CEP85L: variants seen among roughly 807,000 people sequenced by gnomAD.
CEP85L encodes centrosomal protein of 85 kDa-like.
In CEP85L, 60 loss-of-function variants were observed where a neutral mutation model predicts 100.3. The ratio of observed to expected loss-of-function variants is 0.60; its 90% CI spans 0.49 to 0.74. CEP85L has a LOEUF of 0.74. CEP85L is among the 30% of genes least tolerant of loss of function. CEP85L has a pLI of 0.00. For synonymous variants in CEP85L, 319 were observed against 322.7 expected, an observed-to-expected ratio of 0.99 and a Z score of 0.12; for missense variants, 973 against 936.2, an observed-to-expected ratio of 1.04 and a Z score of -0.51.
intron 2 of CEP85L, among the ~76,000 whole-genome samples, chr6:118,600,642 T>C (rs535660536): frequency 2.0e-5 from 3 of 151,740 alleles, no homozygotes; most frequent in East Asian, 1.9e-4. Context: ...TTTAATGATA[T>C]AAATTACCAG....
At chr6:118,578,954 G>A (rs1780405948) in intron 2 of CEP85L, among the ~76,000 whole-genome samples, 1 of 152,080 alleles carries the variant, frequency 6.6e-6, no homozygotes, top group Admixed American at 6.5e-5. Flanking sequence ...GGTGTGCAAT[G>A]GTGTGATCTT....
rs573432484 is a variant in CEP85L at position 118,494,920 on chromosome 6, T to C, written c.1258-3055A>G. On this transcript the variant is annotated intron_variant, in intron 5 of 12. Transcript: ENST00000368491. ...GGATTAGTAAGATTATGATAGAAAA[T>C]GTAGACAGTATACAAGAACATACAG... Among the ~76,000 whole-genome samples, 4 of 152,110 alleles carry C rather than the reference T, an allele frequency of 2.6e-5. No individual in the cohort carries two copies. In the South Asian group the frequency reaches 6.2e-4, roughly 24 times the overall value.
At chr6:118,628,516 T>C (rs564346613) in intron 2 of CEP85L, among the ~76,000 whole-genome samples, 1 of 150,388 alleles carries the variant, frequency 6.6e-6, no homozygotes, top group South Asian at 2.1e-4. Context: ...AGAAAAAGGC[T>C]GGTAAAAATG....
At chr6:118,574,500 A>C (rs546559083) in intron 2 of CEP85L, among the ~76,000 whole-genome samples, 72 of 152,272 alleles carry the variant, frequency 4.7e-4, no homozygotes, top group African/African-American at 1.7e-3. Flanking sequence ...TGTAGCACTG[A>C]GCAAAGAATT....
chr6:118,513,012 G>C (rs539182656), intron 4 of CEP85L, among the ~76,000 whole-genome samples: 3 of 152,214 alleles, frequency 2.0e-5, no homozygotes, highest in African/African-American at 7.2e-5. Context: ...TTAGAAGAAT[G>C]AACGAACATG....
chr6:118,692,761 A>AAT (rs1777086799), intron 1 of CEP85L, among the ~76,000 whole-genome samples: 4 of 62,596 alleles, frequency 6.4e-5, no homozygotes, highest in South Asian at 4.9e-4. Context: ...AGAAGAAACA[A>AAT]GACATAGATA....
intron 2 of CEP85L, among the ~76,000 whole-genome samples, chr6:118,616,162 T>C (rs1405537927): frequency 6.6e-6 from 1 of 152,108 alleles, no homozygotes; most frequent in Non-Finnish European, 1.5e-5. Flanking sequence ...AAAGAGTTCT[T>C]AAACTTGACA....
In CEP85L at chr6:118,637,947, T is replaced by C. The variant is rs536463699; in HGVS notation, c.74-5336A>G. On this transcript the variant is annotated intron_variant, in intron 1 of 12. Coordinates refer to ENST00000368491, the MANE Select transcript of CEP85L (RefSeq NM_001042475.3). ...CACTGGTAAGCAAGTAGTATCAAAT[T>C]CAGAAGACATGCTATTTTTCAGCTA... is the stretch of plus-strand genomic sequence containing the variant. Among the ~76,000 whole-genome samples the C allele has an allele frequency of 4.6e-5, 7 of 152,176 alleles. No individual in the cohort carries two copies. The South Asian group carries it at 1.0e-3, about 23-fold the overall frequency.
intron 1 of CEP85L, among the ~76,000 whole-genome samples, chr6:118,708,768 C>T (rs1777681525): frequency 6.6e-6 from 1 of 151,984 alleles, no homozygotes; most frequent in East Asian, 1.9e-4. Context: ...TTTTTCCTTC[C>T]TTCCTTCCTC....
At chr6:118,581,815 A>G (rs567526790) in intron 2 of CEP85L, among the ~76,000 whole-genome samples, 45 of 152,274 alleles carry the variant, frequency 3.0e-4, no homozygotes, top group African/African-American at 1.1e-3. Flanking sequence ...CTTTGAAAAA[A>G]AAGTGACTCA....
At chr6:118,641,737 A>T (rs957755689) in intron 1 of CEP85L, among the ~76,000 whole-genome samples, 1 of 152,192 alleles carries the variant, frequency 6.6e-6, no homozygotes, top group Non-Finnish European at 1.5e-5. Flanking sequence ...GAAAAACCTG[A>T]AGATAATACT....
At chr6:118,676,622 A>G (rs887630477) in intron 1 of CEP85L, among the ~76,000 whole-genome samples, 4 of 152,194 alleles carry the variant, frequency 2.6e-5, no homozygotes, top group Non-Finnish European at 4.4e-5. Context: ...TATCTTTACT[A>G]TTGTGAATAG....
chr6:118,498,902 A>C (rs1775098818), intron 5 of CEP85L, among the ~76,000 whole-genome samples: 1 of 152,330 alleles, frequency 6.6e-6, no homozygotes, highest in Non-Finnish European at 1.5e-5. Context: ...AAATCATCCA[A>C]TGTCTGCTGT....
chr6:118,594,551 G>A (rs566505011), intron 2 of CEP85L, among the ~76,000 whole-genome samples: 1 of 152,148 alleles, frequency 6.6e-6, no homozygotes, highest in African/African-American at 2.4e-5. Flanking sequence ...TTAAAAATCA[G>A]CCCAAAACAG....
intron 3 of CEP85L, among the ~76,000 whole-genome samples, chr6:118,525,629 G>GA (rs1328687297): frequency 2.0e-5 from 3 of 152,234 alleles, no homozygotes; most frequent in Admixed American, 2.0e-4. Context: ...AAAGCTAGGA[G>GA]AGAGGCATGG....
At chr6:118,651,769 G>C, upstream of CEP85L, 1 of 986,416 alleles carries the variant, frequency 1.0e-6, no homozygotes, top group Non-Finnish European at 1.2e-6. Flanking sequence ...CGACTGGGCT[G>C]TCCCGCCCTC....
intron 1 of CEP85L, among the ~76,000 whole-genome samples, chr6:118,707,880 A>G (rs1394030410): frequency 1.3e-5 from 2 of 150,638 alleles, no homozygotes; most frequent in African/African-American, 4.9e-5. Context: ...AAACATTGCA[A>G]TATCACTTTA....
intron 1 of CEP85L, among the ~76,000 whole-genome samples, chr6:118,636,150 T>C (rs981955911): frequency 2.0e-5 from 3 of 152,176 alleles, no homozygotes; most frequent in African/African-American, 7.2e-5. Flanking sequence ...AGGTGACAAG[T>C]CCAATGAAAC....
intron 1 of CEP85L, among the ~76,000 whole-genome samples, chr6:118,669,826 G>A (rs960718665): frequency 6.6e-6 from 1 of 151,652 alleles, no homozygotes; most frequent in Non-Finnish European, 1.5e-5. Flanking sequence ...AGAGAGGAAA[G>A]TTAGAGTTAC....
Sources: gnomAD v4.1 joint callset for allele counts (sites outside exome capture counted in the v4.1 genomes callset) on GRCh38, gnomAD v4.1.1 for gene constraint, MANE v1.5 for transcripts, NCBI Gene and HGNC (gene_info 2026-07-23, HGNC 2026-07-21) for gene names.